Variants in MYO9A observed in about 807,000 individuals in gnomAD.
MYO9A encodes unconventional myosin-IXa.
A neutral mutation model predicts 293.3 loss-of-function variants in MYO9A; 103 were observed. The observed-to-expected ratio is 0.35, with a 90% CI of 0.30 to 0.41. The LOEUF (loss-of-function observed/expected upper bound fraction) is 0.41, where lower values mean the gene tolerates loss of function less well. Among genes scored for constraint, MYO9A ranks in the 10% least tolerant of loss-of-function variants. The pLI is 1.00. For synonymous variants in MYO9A, 1,001 were observed against 1,035.7 expected, an observed-to-expected ratio of 0.97 and a Z score of 0.64; for missense variants, 2,685 against 3,033.0, an observed-to-expected ratio of 0.89 and a Z score of 2.69.
intron 1 of MYO9A, among the ~76,000 whole-genome samples, chr15:72,103,106 G>A (rs1205794678): frequency 6.8e-6 from 1 of 146,982 alleles, no homozygotes; most frequent in Non-Finnish European, 1.5e-5. Flanking sequence ...TGAGGAAGGA[G>A]AATCACTTGA....
intron 3 of MYO9A, among the ~76,000 whole-genome samples, chr15:72,031,836 G>A (rs529690602): frequency 7.9e-5 from 12 of 151,968 alleles, no homozygotes; most frequent in African/African-American, 2.2e-4. Context: ...TAAATTTCTC[G>A]AATATAATAA....
At chr15:72,105,486 C>G (rs1311950400) in intron 1 of MYO9A, among the ~76,000 whole-genome samples, 1 of 150,500 alleles carries the variant, frequency 6.6e-6, no homozygotes, top group Admixed American at 6.7e-5. Context: ...CTCAGCCTCC[C>G]GAAATGCTGG....
At chr15:72,109,676 G>C (rs1409538948) in intron 1 of MYO9A, among the ~76,000 whole-genome samples, 2 of 152,088 alleles carry the variant, frequency 1.3e-5, no homozygotes, top group African/African-American at 2.4e-5. Context: ...ATCGCTTGAG[G>C]TCAGCAGTTT....
chr15:71,832,282 T>C (rs1206402571), intron 39 of MYO9A, among the ~76,000 whole-genome samples: 2 of 152,028 alleles, frequency 1.3e-5, no homozygotes, highest in African/African-American at 2.4e-5. Flanking sequence ...AGAGATCCTA[T>C]AGAATAAATA....
chr15:71,987,499 G>T (rs1195383379), intron 11 of MYO9A, among the ~76,000 whole-genome samples: 1 of 152,114 alleles, frequency 6.6e-6, no homozygotes, highest in East Asian at 1.9e-4. Flanking sequence ...GTGAGCTTCA[G>T]CTCACTATTT....
At chr15:71,852,361 T>TA in intron 35 of MYO9A, 101 bp from the exon 36 acceptor site, 431 of 1,100,568 alleles carry the variant, frequency 3.9e-4, no homozygotes, top group Non-Finnish European at 4.7e-4. Flanking sequence ...GCTTCATGTT[T>TA]CTTTTTTTTT....
intron 12 of MYO9A, among the ~76,000 whole-genome samples, chr15:71,970,445 A>G (rs1222070824): frequency 2.0e-5 from 3 of 152,242 alleles, no homozygotes; most frequent in Non-Finnish European, 4.4e-5. Context: ...GACATTATAT[A>G]TTCCCTATAA....
intron 1 of MYO9A, among the ~76,000 whole-genome samples, chr15:72,069,995 G>A (rs58626760): frequency 3.3e-5 from 5 of 151,866 alleles, no homozygotes; most frequent in South Asian, 2.1e-4. Flanking sequence ...GCATGGTGGC[G>A]GCATGCACCT....
Position 71,956,187 on chromosome 15 carries a change from G to A in MYO9A, c.2182+3714C>T, listed in dbSNP as rs193057334. The stretch of plus-strand genomic sequence containing the variant: ...AGGCCAGGCATGGTGGCATGTGCCT[G>A]TAGTTCCAGTGTCTTGAGATGCTGA... On this transcript the variant is annotated intron_variant, in intron 14 of 41. Transcript: ENST00000356056. 1.1e-4 allele frequency among the ~76,000 whole-genome samples: 16 copies of A among 150,874 alleles called. No homozygotes were observed. The East Asian group carries it at 1.2e-3, about 11-fold the overall frequency.
chr15:72,096,716 A>G (rs1255498497), intron 1 of MYO9A, among the ~76,000 whole-genome samples: 1 of 152,264 alleles, frequency 6.6e-6, no homozygotes, highest in African/African-American at 2.4e-5. Context: ...AGGTAAACGT[A>G]AAACCTTCTG....
At chr15:72,053,922 A>G (rs533485184) in intron 1 of MYO9A, among the ~76,000 whole-genome samples, 37 of 152,354 alleles carry the variant, frequency 2.4e-4, no homozygotes, top group African/African-American at 8.7e-4. Flanking sequence ...GATCAAATAG[A>G]AAACAAATAG....
chr15:72,004,549 C>T (rs1222352729), intron 8 of MYO9A, among the ~76,000 whole-genome samples: 1 of 152,180 alleles, frequency 6.6e-6, no homozygotes, highest in Non-Finnish European at 1.5e-5. Context: ...AACAGCGAAA[C>T]TCCATCTCAA....
At chr15:71,857,293 A>C (rs2055901601) in intron 34 of MYO9A, among the ~76,000 whole-genome samples, 1 of 152,180 alleles carries the variant, frequency 6.6e-6, no homozygotes. Flanking sequence ...TATTTTTCTA[A>C]AAATATATTT....
rs1268759304 is a variant in MYO9A at position 72,118,055 on chromosome 15, C to T, written c.-447G>A. The T allele has an allele frequency of 5.1e-5, 20 of 396,038 alleles. No individual in the cohort carries two copies. The highest frequency in any genetic ancestry group is 1.3e-4 in the Admixed American group (3 of 22,614). 24.5% of individuals were successfully genotyped at this position (396,038 alleles called of 1,614,324 possible). On this transcript the variant is annotated 5_prime_UTR_variant, in exon 1 of 42. Transcript: ENST00000356056. ...CTCAACAGACACAGCCAACCGCCGC[C>T]GCGTCCCTTATCCGCTTCGGTCGCG...
chr15:72,101,733 G>T, intron 1 of MYO9A, among the ~76,000 whole-genome samples: 1 of 142,464 alleles, frequency 7.0e-6, no homozygotes. Context: ...CGTCTGGGAG[G>T]TGAGGGGCGC....
chr15:71,927,625 A>G (rs905198259), intron 18 of MYO9A, among the ~76,000 whole-genome samples: 3 of 152,122 alleles, frequency 2.0e-5, no homozygotes, highest in African/African-American at 4.8e-5. Context: ...CACAAATACC[A>G]TATTTTGATC....
chr15:71,851,299 G>T lies in MYO9A; in HGVS notation c.6535C>A (p.Arg2179=). ...CGTTCCAGTGTATTGAGATGAGTTCGGGAGAGTTGATCAATCACAGAGTAT... is the reference window on the plus strand; with the variant it reads ...CGTTCCAGTGTATTGAGATGAGTTCTGGAGAGTTGATCAATCACAGAGTAT... The part of the protein sequence containing the change: ...GVYSVIDQLS[R]THLNTLERLI... The change falls in exon 37 of 42, where the codon CGA becomes AGA. Residue 2179 remains arginine (R), a synonymous_variant. Coordinates refer to ENST00000356056, the MANE Select transcript of MYO9A (RefSeq NM_006901.4). 1 of 1,613,930 alleles carries T rather than the reference G, an allele frequency of 6.2e-7. No individual in the cohort carries two copies. Among genetic ancestry groups the T allele is most frequent in the South Asian group, 1.1e-5 (1 of 91,042 alleles).
chr15:72,078,226 G>A (rs2079431628), intron 1 of MYO9A, among the ~76,000 whole-genome samples: 2 of 152,156 alleles, frequency 1.3e-5, no homozygotes, highest in Admixed American at 1.3e-4. Context: ...TGCCAGGGTG[G>A]CTCATGCCTG....
chr15:71,854,430 C>T lies in MYO9A; in HGVS notation c.6293G>A (p.Arg2098Gln), dbSNP rs1306237855. 6.2e-7 allele frequency: 1 copy of T among 1,608,118 alleles called. No homozygotes were observed. Among genetic ancestry groups the T allele is most frequent in the Non-Finnish European group, 8.5e-7 (1 of 1,177,660 alleles). The stretch of plus-strand genomic sequence containing the variant: ...GATTTTATTAGTCGAACCAGACTTT[C>T]GATAAATACCTTCTGTATACAGTCC... ...MHGLYTEGIY[R>Q]KSGSTNKIKE... The change falls in exon 35 of 42, where the codon CGA (arginine) becomes CAA (glutamine). Residue 2098 changes from arginine to glutamine, a missense_variant. By Grantham distance (43) the Arg-to-Gln change is conservative (BLOSUM62 1). Around this residue, in one of 10 missense-constraint regions of MYO9A, gnomAD observed 238 missense variants for 269.1 expected, o/e 0.88. Transcript: ENST00000356056.
Sources: gnomAD v4.1 joint callset for allele counts (sites outside exome capture counted in the v4.1 genomes callset) on GRCh38, gnomAD v4.1.1 for gene constraint, gnomAD v4.1.1 regional missense constraint, MANE v1.5 for transcripts, NCBI Gene and HGNC (gene_info 2026-07-23, HGNC 2026-07-21) for gene names.